The following PRH1 variants were observed in gnomAD, a reference collection of about 807,000 sequenced individuals.
PRH1 encodes proline rich protein HaeIII subfamily 1.
PRH1 carries 7 observed loss-of-function variants against 7.9 expected under a neutral mutation model. That is an observed-to-expected ratio of 0.89 (90% CI 0.50 to 1.67). The LOEUF (loss-of-function observed/expected upper bound fraction) is 1.67. Ranked by LOEUF, PRH1 falls within the 40% of genes most tolerant of loss-of-function variation. The pLI is 0.00. For missense variants in PRH1, 109 were observed against 223.6 expected (o/e 0.49, Z 3.27); for synonymous variants, 45 against 80.8 (o/e 0.56, Z 2.38).
intron 2 of PRH1, among the ~76,000 whole-genome samples, chr12:10,912,609 A>G (rs1476156923): frequency 6.6e-6 from 1 of 151,670 alleles, no homozygotes; most frequent in African/African-American, 2.4e-5. Context: ...ACTTCCGTTG[A>G]GTATGTTTGC....
upstream of PRH1, among the ~76,000 whole-genome samples, chr12:11,051,292 A>C (rs1341261565): frequency 1.3e-5 from 2 of 152,228 alleles, no homozygotes; most frequent in East Asian, 3.8e-4. Flanking sequence ...TCAAATTTTC[A>C]GTAGTCACAA....
At chr12:11,163,943 T>C (rs908899183) in intron 1 of PRH1, among the ~76,000 whole-genome samples, 28 of 152,154 alleles carry the variant, frequency 1.8e-4, no homozygotes, top group African/African-American at 6.5e-4. Flanking sequence ...AGCTATTATT[T>C]CTTGGGCAGC....
Position 11,089,562 on chromosome 12 carries a change from C to G in PRH1, n.124-42374G>C, listed in dbSNP as rs73064954. On this transcript the variant is annotated intron_variant and non_coding_transcript_variant, in intron 1 of 4. Coordinates refer to the PRH1 transcript ENST00000541977. ...ATTTCTTCCTGTCTCAATTTCCACA[C>G]GTCCTTGCCATTTTTGTCTTGAATT... is the stretch of plus-strand genomic sequence containing the variant. Among the ~76,000 whole-genome samples, 2 of 106,130 alleles carry G rather than the reference C, an allele frequency of 1.9e-5. 1 individual carries two copies. The highest frequency in any genetic ancestry group is 4.4e-5 in the Non-Finnish European group (2 of 45,062). The allele number at this position is 106,130 out of a possible 152,430, so 69.6% of individuals were successfully genotyped here. A position where few individuals can be genotyped will look rare whatever the true frequency, so the allele number is the denominator to read the frequency against.
chr12:11,088,333 C>A (rs1944778046), intron 1 of PRH1, among the ~76,000 whole-genome samples: 1 of 105,500 alleles, frequency 9.5e-6, no homozygotes, highest in Non-Finnish European at 2.2e-5. Flanking sequence ...AGAATGAGAC[C>A]CTGTCTCAAA....
intron 1 of PRH1, among the ~76,000 whole-genome samples, chr12:10,982,131 G>A (rs936173522): frequency 2.0e-5 from 3 of 152,118 alleles, no homozygotes; most frequent in Non-Finnish European, 2.9e-5. Flanking sequence ...CAGCTGTCAG[G>A]ACTCTTACAT....
At chr12:11,054,254 C>T (rs1270586767) in intron 1 of PRH1, among the ~76,000 whole-genome samples, 1 of 146,046 alleles carries the variant, frequency 6.8e-6, no homozygotes, top group Non-Finnish European at 1.5e-5. Flanking sequence ...TAAAAATTAC[C>T]CCAAAAGTGA....
chr12:10,914,702 C>T (rs369012433), intron 2 of PRH1, among the ~76,000 whole-genome samples: 9 of 152,102 alleles, frequency 5.9e-5, no homozygotes, highest in African/African-American at 9.7e-5. Context: ...TTGATTCTGA[C>T]AATTTTATAC....
intron 1 of PRH1, among the ~76,000 whole-genome samples, chr12:10,987,693 A>ACC (rs145486486): frequency 7.9e-5 from 12 of 151,344 alleles, no homozygotes; most frequent in South Asian, 4.2e-4. Context: ...GGGTTTTCAG[A>ACC]CCCCCCCCAA....
upstream of PRH1, among the ~76,000 whole-genome samples, chr12:11,052,046 T>C (rs969455613): frequency 1.3e-5 from 2 of 152,392 alleles, no homozygotes; most frequent in East Asian, 1.9e-4. Flanking sequence ...CTCACAGACA[T>C]AGAAAAGCCC....
chr12:11,021,373 T>C (rs954779709), intron 1 of PRH1, among the ~76,000 whole-genome samples: 5 of 152,200 alleles, frequency 3.3e-5, no homozygotes, highest in Non-Finnish European at 7.4e-5. Flanking sequence ...AGATAATAAA[T>C]TCTTCAAATG....
chr12:10,958,768 T>C (rs770612678), intron 2 of PRH1, among the ~76,000 whole-genome samples: 3 of 152,104 alleles, frequency 2.0e-5, no homozygotes, highest in Admixed American at 6.6e-5. Flanking sequence ...AAGGCCAGTG[T>C]TGTTAGCATG....
At chr12:10,901,572 AG>A (rs1949724523) in intron 2 of PRH1, among the ~76,000 whole-genome samples, 1 of 152,174 alleles carries the variant, frequency 6.6e-6, no homozygotes, top group Non-Finnish European at 1.5e-5. Context: ...GTACTCCATG[AG>A]TCAGACCATT....
At chr12:11,163,838 A>C (rs61928609) in intron 1 of PRH1, among the ~76,000 whole-genome samples, 112,750 of 151,412 alleles carry the variant, frequency 0.74, 44,443 homozygotes, top group East Asian at 0.96. Flanking sequence ...AAAATCTCAC[A>C]TTTGCCACAG....
chr12:11,111,333 A>C (rs1435552656), intron 1 of PRH1, among the ~76,000 whole-genome samples: 1 of 152,220 alleles, frequency 6.6e-6, no homozygotes, highest in Non-Finnish European at 1.5e-5. Flanking sequence ...CTCCACCTCA[A>C]ATCAACAGAA....
intron 1 of PRH1, among the ~76,000 whole-genome samples, chr12:11,053,587 C>T (rs1363645923): frequency 6.6e-6 from 1 of 152,224 alleles, no homozygotes; most frequent in East Asian, 1.9e-4. Flanking sequence ...GTAACTTTCC[C>T]ACAATGATAT....
intron 2 of PRH1, 115 bp from the exon 3 acceptor site, chr12:10,882,813 C>T: frequency 6.6e-7 from 1 of 1,509,606 alleles, no homozygotes; most frequent in Non-Finnish European, 8.9e-7. Flanking sequence ...CCTCTCAACT[C>T]CCAACCTCCC....
chr12:10,923,732 T>C (rs1031536106), intron 2 of PRH1, among the ~76,000 whole-genome samples: 1 of 152,218 alleles, frequency 6.6e-6, no homozygotes, highest in Non-Finnish European at 1.5e-5. Flanking sequence ...TGGTAGATTC[T>C]ACCCATTTAT....
chr12:11,108,607 C>G (rs1945499719), intron 1 of PRH1, among the ~76,000 whole-genome samples: 1 of 152,160 alleles, frequency 6.6e-6, no homozygotes, highest in Admixed American at 6.5e-5. Context: ...CTGTAAGGGA[C>G]CATGCAGTGA....
intron 1 of PRH1, among the ~76,000 whole-genome samples, chr12:11,122,104 G>A (rs7303105): frequency 0.29 from 44,023 of 149,670 alleles, 8,257 homozygotes; most frequent in East Asian, 0.74. Context: ...ATATATATGC[G>A]TGTGCACTCC....
Sources: allele counts gnomAD v4.1 joint callset (sites outside exome capture counted in the v4.1 genomes callset), GRCh38; gene constraint gnomAD v4.1.1; transcripts MANE v1.5; gene names NCBI Gene and HGNC (gene_info 2026-07-23, HGNC 2026-07-21).